The following USH2A variants were observed in gnomAD, a reference collection of about 807,000 sequenced individuals.
The protein encoded by USH2A is usherin, also known as Usher syndrome 2A (autosomal recessive, mild).
In USH2A, 443 loss-of-function variants were observed where a neutral mutation model predicts 538.9. The ratio of observed to expected loss-of-function variants is 0.82; its 90% CI spans 0.76 to 0.89. The LOEUF is 0.89. Among genes scored for constraint, USH2A ranks in the 40% least tolerant of loss-of-function variants. The pLI, the probability that USH2A is intolerant of heterozygous loss-of-function variation, is 0.00. For synonymous variants in USH2A, 2,413 were observed against 2,273.5 expected, an observed-to-expected ratio of 1.06 and a Z score of -1.75; for missense variants, 6,633 against 6,324.8, an observed-to-expected ratio of 1.05 and a Z score of -1.65.
chr1:216,002,657 G>T (rs1668292271), intron 32 of USH2A, among the ~76,000 whole-genome samples: 2 of 152,060 alleles, frequency 1.3e-5, no homozygotes, highest in East Asian at 3.9e-4. Context: ...AACCGAGATT[G>T]GATGCTACAA....
intron 21 of USH2A, among the ~76,000 whole-genome samples, chr1:216,105,732 T>C (rs1021462994): frequency 6.6e-6 from 1 of 152,178 alleles, no homozygotes; most frequent in South Asian, 2.1e-4. Context: ...ATTTTGTTTT[T>C]CATCCACAAA....
At chr1:215,644,886 C>T (rs925997416) in intron 67 of USH2A, among the ~76,000 whole-genome samples, 7 of 152,206 alleles carry the variant, frequency 4.6e-5, no homozygotes, top group Non-Finnish European at 8.8e-5. Context: ...AGCTTGTTTG[C>T]TTTAACATTA....
intron 3 of USH2A, among the ~76,000 whole-genome samples, chr1:216,384,903 G>A (rs1392331331): frequency 5.9e-5 from 9 of 152,154 alleles, no homozygotes; most frequent in East Asian, 1.9e-4. Context: ...GCACCTAGGC[G>A]CTTAACTTCA....
intron 31 of USH2A, among the ~76,000 whole-genome samples, chr1:216,047,157 C>G (rs2030555687): frequency 6.6e-6 from 1 of 151,952 alleles, no homozygotes; most frequent in Non-Finnish European, 1.5e-5. Context: ...TTCCTAAACT[C>G]CTCTATCATT....
chr1:215,855,080 C>A (rs985641147), intron 44 of USH2A, among the ~76,000 whole-genome samples: 1 of 152,132 alleles, frequency 6.6e-6, no homozygotes, highest in Non-Finnish European at 1.5e-5. Flanking sequence ...CCCTATCTGC[C>A]TAATTTCTTT....
At chr1:216,039,026 T>C (rs1458287532) in intron 32 of USH2A, among the ~76,000 whole-genome samples, 1 of 152,088 alleles carries the variant, frequency 6.6e-6, no homozygotes, top group East Asian at 1.9e-4. Context: ...AAACATATTT[T>C]ATTTCTTCAC....
At chr1:216,014,796 A>T (rs1668667253) in intron 32 of USH2A, among the ~76,000 whole-genome samples, 1 of 152,218 alleles carries the variant, frequency 6.6e-6, no homozygotes, top group South Asian at 2.1e-4. Context: ...TGTCAAGCAA[A>T]CTATAATTTA....
intron 27 of USH2A, among the ~76,000 whole-genome samples, chr1:216,074,079 G>A (rs375423714): frequency 1.8e-4 from 28 of 152,214 alleles, no homozygotes; most frequent in East Asian, 5.8e-4. Flanking sequence ...CACCCACTGC[G>A]CAGTACCATT....
intron 21 of USH2A, among the ~76,000 whole-genome samples, chr1:216,105,620 T>C (rs4971263): frequency 0.3 from 45,997 of 151,872 alleles, 7,303 homozygotes; most frequent in Non-Finnish European, 0.34. Context: ...TTTCAACTTG[T>C]AGAATCAACT....
chr1:216,107,859 T>C (rs752147523), intron 21 of USH2A, among the ~76,000 whole-genome samples: 2 of 151,754 alleles, frequency 1.3e-5, no homozygotes, highest in Non-Finnish European at 3.0e-5. Flanking sequence ...TTAACACACA[T>C]ACTATCACAA....
At chr1:216,225,195 A>G (rs530533304) in intron 14 of USH2A, among the ~76,000 whole-genome samples, 45 of 152,292 alleles carry the variant, frequency 3.0e-4, no homozygotes, top group African/African-American at 1.0e-3. Context: ...AATATAGCCA[A>G]TGTTGGTGTA....
Position 216,000,507 on chromosome 1 carries a change from GC to G in USH2A, c.6380del (p.Gly2127AlafsTer25). ...GTAGGACCCAGGAACTGTTTGTACA[GC>G]CCACATGTGTGCATGCACTTAGTAG... is the stretch of plus-strand genomic sequence containing the variant. Reference protein sequence around the residue: ...QFLLSACTHVGCTNSSWVLLY... With the variant: ...QFLLSACTHVXCTNSSWVLLY... On this transcript the variant is annotated frameshift_variant, in exon 33 of 72. Coordinates refer to ENST00000307340, the MANE Select transcript of USH2A (RefSeq NM_206933.4). LOFTEE classifies it high-confidence loss of function. 6.2e-7 allele frequency: 1 copy of G among 1,613,676 alleles called. No individual in the cohort carries two copies. The highest frequency in any genetic ancestry group is 8.5e-7 in the Non-Finnish European group (1 of 1,179,696).
intron 38 of USH2A, among the ~76,000 whole-genome samples, chr1:215,909,742 T>C (rs1665728707): frequency 6.6e-6 from 1 of 151,954 alleles, no homozygotes; most frequent in Admixed American, 6.6e-5. Context: ...AGTTGAGATT[T>C]GCAGATCACT....
chr1:215,931,648 T>C (rs1396901892), intron 38 of USH2A, among the ~76,000 whole-genome samples: 1 of 151,962 alleles, frequency 6.6e-6, no homozygotes, highest in African/African-American at 2.4e-5. Flanking sequence ...AGGGCCTGAG[T>C]AATAATAAGC....
chr1:216,415,290 G>A (rs1482365725), intron 3 of USH2A, among the ~76,000 whole-genome samples: 1 of 152,028 alleles, frequency 6.6e-6, no homozygotes, highest in East Asian at 1.9e-4. Context: ...TAGGAAAACT[G>A]AGTCAAATGA....
Position 215,929,684 on chromosome 1 carries a change from T to C in USH2A, c.7300+4932A>G, listed in dbSNP as rs1666316968. On this transcript the variant is annotated intron_variant, in intron 38 of 71. Coordinates refer to ENST00000307340, the MANE Select transcript of USH2A (RefSeq NM_206933.4). ...TGCGCTAAACACATTACATATAATA[T>C]GTTGTTCAATCCTCCAGTCAGGTGG... Among the ~76,000 whole-genome samples, 4 of 152,174 alleles carry C rather than the reference T, an allele frequency of 2.6e-5. No individual in the cohort carries two copies. In the South Asian group the frequency reaches 8.3e-4, roughly 32 times the overall value.
chr1:216,133,102 A>C (rs2033410816), intron 21 of USH2A, among the ~76,000 whole-genome samples: 2 of 152,118 alleles, frequency 1.3e-5, no homozygotes, highest in Admixed American at 6.6e-5. Context: ...GAAAATACCT[A>C]TTTTGTTAAA....
chr1:215,796,556 T>C (rs896878223), intron 50 of USH2A, among the ~76,000 whole-genome samples: 2 of 152,132 alleles, frequency 1.3e-5, no homozygotes, highest in African/African-American at 4.8e-5. Context: ...GTCCTGTGTG[T>C]TCTGACTGTT....
At chr1:216,064,987 AAAC>A (rs2031303912) in intron 30 of USH2A, among the ~76,000 whole-genome samples, 2 of 152,360 alleles carry the variant, frequency 1.3e-5, no homozygotes, top group South Asian at 4.1e-4. Flanking sequence ...CAAAAAATTC[AAAC>A]AAAAAAATCT....
Sources: allele counts gnomAD v4.1 joint callset (sites outside exome capture counted in the v4.1 genomes callset), GRCh38; gene constraint gnomAD v4.1.1; transcripts MANE v1.5; gene names NCBI Gene and HGNC (gene_info 2026-07-23, HGNC 2026-07-21).